PPP1R12A: variants seen among roughly 807,000 people sequenced by gnomAD.
The protein encoded by PPP1R12A is protein phosphatase 1 regulatory subunit 12A.
PPP1R12A carries 19 observed loss-of-function variants against 139.6 expected under a neutral mutation model. The observed-to-expected ratio is 0.14, with a 90% CI of 0.09 to 0.20. The LOEUF is 0.20. PPP1R12A is among the 10% of genes least tolerant of loss of function. The pLI is 1.00. For missense variants in PPP1R12A, 925 were observed against 1,211.5 expected, an observed-to-expected ratio of 0.76 and a Z score of 3.51; for synonymous variants, 427 against 420.6, an observed-to-expected ratio of 1.02 and a Z score of -0.19.
intron 14 of PPP1R12A, among the ~76,000 whole-genome samples, chr12:79,799,157 G>GC (rs1872802526): frequency 6.7e-6 from 1 of 150,248 alleles, no homozygotes; most frequent in African/African-American, 2.4e-5. Flanking sequence ...TGTTTGTTTT[G>GC]TTTTTTTTTG....
chr12:79,923,578 A>C (rs1887610783), intron 1 of PPP1R12A, among the ~76,000 whole-genome samples: 1 of 152,212 alleles, frequency 6.6e-6, no homozygotes, highest in African/African-American at 2.4e-5. Flanking sequence ...AAGGATGTTA[A>C]ACTTTTAAAT....
chr12:79,778,120 C>G (rs986505003), intron 24 of PPP1R12A, among the ~76,000 whole-genome samples: 1 of 152,054 alleles, frequency 6.6e-6, no homozygotes, highest in African/African-American at 2.4e-5. Flanking sequence ...TGTTCACTCC[C>G]CTAATGTCCT....
chr12:79,857,008 G>A (rs2137263181), intron 2 of PPP1R12A, among the ~76,000 whole-genome samples: 2 of 152,324 alleles, frequency 1.3e-5, no homozygotes, highest in East Asian at 3.9e-4. Flanking sequence ...TGAATGACAT[G>A]ACTTTCCTCA....
intron 3 of PPP1R12A, among the ~76,000 whole-genome samples, chr12:79,833,662 T>C (rs1407466689): frequency 1.2e-4 from 7 of 60,832 alleles, no homozygotes; most frequent in Admixed American, 1.1e-3. Context: ...CCGTCTCTAC[T>C]AAAAATACAA....
At chr12:79,835,363 C>T (rs1242344411) in intron 3 of PPP1R12A, among the ~76,000 whole-genome samples, 4 of 152,058 alleles carry the variant, frequency 2.6e-5, no homozygotes, top group Admixed American at 2.0e-4. Context: ...TGCAGGTGAC[C>T]TATTGTGGGA....
At chr12:79,797,107 T>A in intron 16 of PPP1R12A, 88 bp downstream of exon 16, 1 of 1,356,046 alleles carries the variant, frequency 7.4e-7, no homozygotes, top group Non-Finnish European at 1.0e-6. Context: ...TTGCATATGG[T>A]TTGTTGGTAT....
chr12:79,878,171 ATACTT>A (rs1475083431), intron 1 of PPP1R12A: 3 of 151,658 alleles, frequency 2.0e-5, no homozygotes, highest in African/African-American at 7.3e-5. Flanking sequence ...TAAGAGTTGT[ATACTT>A]TACCAATGTA....
At chr12:79,851,708 T>C (rs1880058029) in intron 2 of PPP1R12A, among the ~76,000 whole-genome samples, 2 of 152,234 alleles carry the variant, frequency 1.3e-5, no homozygotes, top group South Asian at 2.1e-4. Context: ...TGATCATTTC[T>C]TTTAATACTT....
intron 13 of PPP1R12A, 55 bp from the exon 14 acceptor site, chr12:79,805,823 T>C (rs1316195609): frequency 6.6e-6 from 10 of 1,508,048 alleles, no homozygotes; most frequent in Non-Finnish European, 8.1e-6. Context: ...AGCTAAACAA[T>C]GAAAGCACTT....
intron 1 of PPP1R12A, among the ~76,000 whole-genome samples, chr12:79,886,607 A>C (rs1343361085): frequency 6.6e-6 from 1 of 152,188 alleles, no homozygotes; most frequent in African/African-American, 2.4e-5. Context: ...TTATAGAAGA[A>C]CAGTGTCTGA....
intron 20 of PPP1R12A, among the ~76,000 whole-genome samples, chr12:79,789,236 T>C (rs558264118): frequency 6.6e-6 from 1 of 152,208 alleles, no homozygotes; most frequent in South Asian, 2.1e-4. Flanking sequence ...ACCCAGCCTA[T>C]TTTTTTAATA....
At chr12:79,849,154 T>C (rs1339702925) in intron 2 of PPP1R12A, among the ~76,000 whole-genome samples, 1 of 152,098 alleles carries the variant, frequency 6.6e-6, no homozygotes, top group Non-Finnish European at 1.5e-5. Context: ...TAGGCCAAGG[T>C]GGGCAGATCA....
At position 79,900,806 on chromosome 12, in the gene PPP1R12A, T is replaced by C. The variant is rs1001744254; in HGVS notation, c.238-27868A>G. On this transcript the variant is annotated intron_variant, in intron 1 of 24. Transcript: ENST00000450142. ...TGTCATAAACCATAGTATAGAAGGATTGTCCATCTATTAAAAATCTCAGTT... is the reference window on the plus strand; with the variant it reads ...TGTCATAAACCATAGTATAGAAGGACTGTCCATCTATTAAAAATCTCAGTT... Among the ~76,000 whole-genome samples, 6 of 152,184 alleles carry C rather than the reference T, an allele frequency of 3.9e-5. No individual in the cohort carries two copies. In the East Asian group the frequency reaches 5.8e-4, roughly 15 times the overall value.
intron 1 of PPP1R12A, among the ~76,000 whole-genome samples, chr12:79,931,733 C>G (rs1041847298): frequency 6.6e-6 from 1 of 151,980 alleles, no homozygotes; most frequent in Non-Finnish European, 1.5e-5. Flanking sequence ...CTAGAAAAAC[C>G]AGAAATTTGT....
intron 2 of PPP1R12A, among the ~76,000 whole-genome samples, chr12:79,865,909 A>G (rs1310061110): frequency 1.3e-5 from 2 of 152,180 alleles, no homozygotes; most frequent in Non-Finnish European, 2.9e-5. Flanking sequence ...TAACTTATAG[A>G]TTCAATGCTA....
At chr12:79,802,911 T>C (rs904440508) in intron 14 of PPP1R12A, among the ~76,000 whole-genome samples, 1 of 152,250 alleles carries the variant, frequency 6.6e-6, no homozygotes, top group African/African-American at 2.4e-5. Flanking sequence ...ATTTAGTGTA[T>C]AACAGAGAAA....
chr12:79,857,204 T>C (rs982001142), intron 2 of PPP1R12A, among the ~76,000 whole-genome samples: 2 of 152,066 alleles, frequency 1.3e-5, no homozygotes, highest in Non-Finnish European at 2.9e-5. Flanking sequence ...AATGATAGAC[T>C]GGATTAAGAA....
chr12:79,843,092 T>C (rs1157024034), intron 3 of PPP1R12A, among the ~76,000 whole-genome samples: 2 of 152,318 alleles, frequency 1.3e-5, no homozygotes, highest in East Asian at 3.9e-4. Context: ...CATAAAGTCC[T>C]CCATGCTGTA....
intron 1 of PPP1R12A, among the ~76,000 whole-genome samples, chr12:79,907,996 G>C (rs182995053): frequency 1.3e-5 from 2 of 152,244 alleles, no homozygotes; most frequent in East Asian, 3.9e-4. Context: ...TTTTAATGGA[G>C]TGACCTCCAT....
Sources: allele counts gnomAD v4.1 joint callset (sites outside exome capture counted in the v4.1 genomes callset), GRCh38; gene constraint gnomAD v4.1.1; transcripts MANE v1.5; gene names NCBI Gene and HGNC (gene_info 2026-07-23, HGNC 2026-07-21).